The following PTPRR variants were observed in gnomAD, a reference collection of about 807,000 sequenced individuals.
The protein encoded by PTPRR is receptor-type tyrosine-protein phosphatase R.
In PTPRR, 38 loss-of-function variants were observed where a neutral mutation model predicts 77.2. The ratio of observed to expected loss-of-function variants is 0.49; its 90% CI spans 0.38 to 0.65. The LOEUF (loss-of-function observed/expected upper bound fraction) is 0.65. Ranked by LOEUF, PTPRR falls within the 30% of genes least tolerant of loss-of-function variation. The pLI is 0.00. For synonymous variants in PTPRR, 299 were observed against 283.1 expected, an observed-to-expected ratio of 1.06 and a Z score of -0.57; for missense variants, 744 against 799.2, an observed-to-expected ratio of 0.93 and a Z score of 0.83.
intron 1 of PTPRR, among the ~76,000 whole-genome samples, chr12:70,916,715 G>C (rs115499767): frequency 0.012 from 1,824 of 152,138 alleles, 25 homozygotes; most frequent in African/African-American, 0.041. Flanking sequence ...TTTGAGGGTG[G>C]TACTTCTGCA....
chr12:70,790,100 T>A (rs916583309), intron 2 of PTPRR, among the ~76,000 whole-genome samples: 1 of 152,214 alleles, frequency 6.6e-6, no homozygotes, highest in African/African-American at 2.4e-5. Flanking sequence ...TTCTAATTTA[T>A]ATTCAAATGT....
intron 10 of PTPRR, among the ~76,000 whole-genome samples, chr12:70,675,152 G>C (rs1887395931): frequency 6.6e-6 from 1 of 151,952 alleles, no homozygotes; most frequent in South Asian, 2.1e-4. Flanking sequence ...CTTTTGATTA[G>C]TATTAGTTTG....
At chr12:70,811,377 G>T (rs758395570) in intron 2 of PTPRR, among the ~76,000 whole-genome samples, 7 of 152,204 alleles carry the variant, frequency 4.6e-5, no homozygotes, top group Non-Finnish European at 7.4e-5. Flanking sequence ...CATGATATTT[G>T]TAGTCTGGCT....
chr12:70,910,987 A>G (rs1422581812), intron 1 of PTPRR, among the ~76,000 whole-genome samples: 1 of 152,204 alleles, frequency 6.6e-6, no homozygotes, highest in Non-Finnish European at 1.5e-5. Context: ...GAAGCTATAA[A>G]TAATAGGTCA....
intron 1 of PTPRR, among the ~76,000 whole-genome samples, chr12:70,913,085 T>G (rs1173357084): frequency 6.6e-6 from 1 of 152,182 alleles, no homozygotes; most frequent in Non-Finnish European, 1.5e-5. Flanking sequence ...CCGTGTTATC[T>G]CTAATACTAA....
chr12:70,788,341 C>T (rs1043690831), intron 2 of PTPRR, among the ~76,000 whole-genome samples: 1 of 152,132 alleles, frequency 6.6e-6, no homozygotes, highest in African/African-American at 2.4e-5. Context: ...ACAGGGTATC[C>T]GAGATGTCAT....
At chr12:70,693,451 C>T (rs1888123230) in intron 8 of PTPRR, among the ~76,000 whole-genome samples, 1 of 151,978 alleles carries the variant, frequency 6.6e-6, no homozygotes, top group African/African-American at 2.4e-5. Context: ...TGTGCACCAC[C>T]ATGCCTGGCT....
rs184226882 is a variant in PTPRR at position 70,668,187 on chromosome 12, T to C, written c.1498-5582A>G. On this transcript the variant is annotated intron_variant, in intron 10 of 13. Transcript: ENST00000283228. ...CATAAGTGGATTCCAGGCAGCAGCA[T>C]AGTGTAATGGTGAGGAGGAGGAAGA... 1.6e-3 allele frequency among the ~76,000 whole-genome samples: 242 copies of C among 151,742 alleles called. 1 individual carries two copies. Among genetic ancestry groups the C allele is most frequent in the Non-Finnish European group, 2.8e-3 (188 of 67,916 alleles).
At chr12:70,866,932 C>G (rs947130541) in intron 2 of PTPRR, among the ~76,000 whole-genome samples, 7 of 151,454 alleles carry the variant, frequency 4.6e-5, no homozygotes, top group African/African-American at 1.7e-4. Flanking sequence ...AGACAAAAAC[C>G]GCATGATGAT....
intron 1 of PTPRR, chr12:70,906,812 T>A (rs575758963): frequency 9.9e-5 from 15 of 151,940 alleles, no homozygotes; most frequent in African/African-American, 1.9e-4. Context: ...AAAGTTTTTT[T>A]AAAAAAAAAT....
Position 70,666,403 on chromosome 12 carries a change from T to A in PTPRR, c.1498-3798A>T, listed in dbSNP as rs190958648. 1.6e-3 allele frequency among the ~76,000 whole-genome samples: 236 copies of A among 151,522 alleles called. 1 individual carries two copies. Among genetic ancestry groups the A allele is most frequent in the Non-Finnish European group, 3.4e-4 (23 of 67,990 alleles). On this transcript the variant is annotated intron_variant, in intron 10 of 13. Coordinates refer to ENST00000283228, the MANE Select transcript of PTPRR (RefSeq NM_002849.4). ...GCTCAGTACTTCTGTTACCATCTTT[T>A]GATCTCTGTGTTCCTCAAGTTGTTT...
intron 2 of PTPRR, among the ~76,000 whole-genome samples, chr12:70,809,465 T>A (rs1891771040): frequency 1.3e-5 from 2 of 152,218 alleles, no homozygotes; most frequent in Non-Finnish European, 2.9e-5. Context: ...AAATGTAATC[T>A]ACTTGCCCAT....
intron 4 of PTPRR, among the ~76,000 whole-genome samples, chr12:70,757,669 G>A (rs1184824993): frequency 6.6e-6 from 1 of 152,142 alleles, no homozygotes; most frequent in Non-Finnish European, 1.5e-5. Context: ...ATCCTTCCAT[G>A]AAAGTAATTA....
At chr12:70,821,664 AT>A (rs1892016542) in intron 2 of PTPRR, among the ~76,000 whole-genome samples, 1 of 150,696 alleles carries the variant, frequency 6.6e-6, no homozygotes, top group African/African-American at 2.4e-5. Context: ...GTATGTACGT[AT>A]GTATTTATTT....
chr12:70,876,837 T>A (rs1281319446), intron 2 of PTPRR, among the ~76,000 whole-genome samples: 1 of 152,082 alleles, frequency 6.6e-6, no homozygotes, highest in Non-Finnish European at 1.5e-5. Flanking sequence ...TCAAAAAAAA[T>A]TTAGGTGAAA....
intron 6 of PTPRR, among the ~76,000 whole-genome samples, chr12:70,732,636 T>C (rs567795342): frequency 4.6e-5 from 7 of 152,240 alleles, no homozygotes; most frequent in Admixed American, 3.9e-4. Flanking sequence ...TCTCAGCTCA[T>C]TGCGACCTCC....
intron 2 of PTPRR, among the ~76,000 whole-genome samples, chr12:70,858,951 G>GC (rs1239749342): frequency 5.1e-4 from 60 of 117,790 alleles, no homozygotes; most frequent in Admixed American, 1.9e-4. Flanking sequence ...CTAGCATTTC[G>GC]CCCTTTTTTT....
At chr12:70,856,308 A>T (rs1262272303) in intron 2 of PTPRR, among the ~76,000 whole-genome samples, 2 of 152,154 alleles carry the variant, frequency 1.3e-5, no homozygotes, top group African/African-American at 4.8e-5. Context: ...TGTGTGAAAC[A>T]AGTAATGGGA....
At chr12:70,889,513 A>C (rs1340793896) in intron 2 of PTPRR, among the ~76,000 whole-genome samples, 1 of 152,176 alleles carries the variant, frequency 6.6e-6, no homozygotes, top group East Asian at 1.9e-4. Flanking sequence ...ATACCTGACA[A>C]AAAGTATTTG....
Sources: allele counts gnomAD v4.1 joint callset (sites outside exome capture counted in the v4.1 genomes callset), GRCh38; gene constraint gnomAD v4.1.1; transcripts MANE v1.5; gene names NCBI Gene and HGNC (gene_info 2026-07-23, HGNC 2026-07-21).